IFT122: variants seen among roughly 807,000 people sequenced by gnomAD.
IFT122 encodes intraflagellar transport 122, also known as intraflagellar transport protein 122 homolog.
A neutral mutation model predicts 161.6 loss-of-function variants in IFT122; 118 were observed. The ratio of observed to expected loss-of-function variants is 0.73; its 90% confidence interval spans 0.63 to 0.85. IFT122 has a LOEUF of 0.85. Ranked by LOEUF, IFT122 falls within the 40% of genes least tolerant of loss-of-function variation. The probability of loss-of-function intolerance (pLI) is 0.00; values close to 1 mark genes in which losing one functional copy is unlikely to be tolerated. For missense variants in IFT122, 1,381 were observed against 1,579.6 expected (o/e 0.87, Z 2.13); for synonymous variants, 550 against 602.4 (o/e 0.91, Z 1.27).
chr3:129,506,282 T>C, intron 21 of IFT122, 127 bp from the exon 22 acceptor site: 3 of 1,059,440 alleles, frequency 2.8e-6, no homozygotes, highest in South Asian at 2.5e-5. Flanking sequence ...AACGAAGCAC[T>C]GCAGATGCTC....
chr3:129,517,654 C>A (rs545912407), intron 27 of IFT122, 60 bp downstream of exon 27: 4 of 1,594,678 alleles, frequency 2.5e-6, no homozygotes, highest in Non-Finnish European at 3.4e-6. Context: ...TGGGGACAGG[C>A]GGGAAGTAGG....
chr3:129,491,182 G>C (rs1423276986), intron 16 of IFT122, among the ~76,000 whole-genome samples: 1 of 152,194 alleles, frequency 6.6e-6, no homozygotes, highest in Non-Finnish European at 1.5e-5. Flanking sequence ...AAGGCAGGCC[G>C]GGGACTTGCT....
chr3:129,483,881 T>C (rs2108354588), intron 15 of IFT122, 199 bp downstream of exon 15: 1 of 645,298 alleles, frequency 1.5e-6, no homozygotes, highest in Non-Finnish European at 2.8e-6. Context: ...GGCAAACAGC[T>C]CAACCTCCCT....
chr3:129,491,733 C>G (rs1488885691), intron 16 of IFT122, among the ~76,000 whole-genome samples: 4 of 152,088 alleles, frequency 2.6e-5, no homozygotes, highest in South Asian at 2.1e-4. Flanking sequence ...CCCATGTTGC[C>G]AAGATGTATA....
chr3:129,461,528 G>A, intron 5 of IFT122: 2 of 564,904 alleles, frequency 3.5e-6, no homozygotes, highest in South Asian at 2.0e-5. Flanking sequence ...TACAGGAAGG[G>A]CCCCAGCAAA....
chr3:129,481,329 A>C, intron 13 of IFT122: 2 of 571,862 alleles, frequency 3.5e-6, no homozygotes, highest in Non-Finnish European at 3.3e-6. Flanking sequence ...CCTCTGATGA[A>C]CCTCGCTTCT....
intron 4 of IFT122, chr3:129,460,780 C>CT: frequency 5.2e-6 from 6 of 1,163,054 alleles, no homozygotes; most frequent in Non-Finnish European, 6.5e-6. Context: ...AGGACTAAAA[C>CT]GGGTTGAGAC....
At position 129,520,300 on chromosome 3, in the gene IFT122, G is replaced by A. The variant is rs767401383; in HGVS notation, c.*35G>A. ...TGGGGACGGCCTGCACCCTCTGCCC[G>A]CCTTGGGGTCTGCTGGGCTGTGAAG... On this transcript the variant is annotated 3_prime_UTR_variant, in exon 30 of 30. Transcript: ENST00000348417. 12 of 1,495,846 alleles carry A rather than the reference G, an allele frequency of 8.0e-6. No homozygotes were observed. The highest frequency in any genetic ancestry group is 1.1e-5 in the Non-Finnish European group (12 of 1,085,556). 92.7% of individuals were successfully genotyped at this position (1,495,846 alleles called of 1,614,324 possible).
Position 129,515,435 on chromosome 3 carries a change from G to T in IFT122, c.3154-53G>T, listed in dbSNP as rs537705450. On this transcript the variant is annotated intron_variant, in intron 25 of 29. Coordinates refer to ENST00000348417, the MANE Select transcript of IFT122 (RefSeq NM_052989.3). ...GGGGCCTGAAGCCAGAGTCCAGGGG[G>T]AGGAGGACACGTGCCTGCCCCGGCC... is the stretch of plus-strand genomic sequence containing the variant. 7.4e-5 allele frequency: 87 copies of T among 1,170,644 alleles called. No individual in the cohort carries two copies. In the East Asian group the frequency reaches 2.1e-3, roughly 28 times the overall value. The allele number at this position is 1,170,644 out of a possible 1,614,324, so 72.5% of individuals were successfully genotyped here. A position where few individuals can be genotyped will look rare whatever the true frequency, so the allele number is the denominator to read the frequency against.
Position 129,507,652 on chromosome 3 carries a change from C to A in IFT122, c.2792-16C>A. 1 of 1,610,380 alleles carries A rather than the reference C, an allele frequency of 6.2e-7. No individual in the cohort carries two copies. Among genetic ancestry groups the A allele is most frequent in the Non-Finnish European group, 8.5e-7 (1 of 1,176,628 alleles). ...CTGTTTGACACGTTTCCCCTCCCACCCGCTGCACACAGCAGATCCTGCCCA... is the reference window on the plus strand; with the variant it reads ...CTGTTTGACACGTTTCCCCTCCCACACGCTGCACACAGCAGATCCTGCCCA... On this transcript the variant is annotated splice_polypyrimidine_tract_variant and intron_variant, in intron 22 of 29. Coordinates refer to ENST00000348417, the MANE Select transcript of IFT122 (RefSeq NM_052989.3).
Position 129,483,521 on chromosome 3 carries a change from T to C in IFT122, c.1690T>C (p.Cys564Arg). The change falls in exon 15 of 30, where the codon TGT (cysteine) becomes CGT (arginine). Residue 564 changes from cysteine to arginine, a missense_variant. By Grantham distance (180) the Cys-to-Arg change is radical (BLOSUM62 -3). Transcript: ENST00000348417. ...CAACAGTGTAGCTTGGAACACCCAG[T>C]GTGAGGACATGCTCTGCTTCTCGGG... is the stretch of plus-strand genomic sequence containing the variant. ...NANSVAWNTQ[C>R]EDMLCFSGGG... The C allele has an allele frequency of 6.2e-7, 1 of 1,614,064 alleles. No individual in the cohort carries two copies. Among genetic ancestry groups the C allele is most frequent in the Non-Finnish European group, 8.5e-7 (1 of 1,179,994 alleles).
chr3:129,463,251 TCA>T, intron 5 of IFT122: 1 of 363,906 alleles, frequency 2.7e-6, no homozygotes, highest in Non-Finnish European at 5.2e-6. Flanking sequence ...TAGATTGCCA[TCA>T]GCGTGACACA....
rs758841413 is a variant in IFT122 at position 129,481,659 on chromosome 3, G to C, written c.1618G>C (p.Val540Leu). The C allele has an allele frequency of 1.9e-6, 3 of 1,614,132 alleles. No homozygotes were observed. Residue 540 changes from valine to leucine, a missense_variant, in exon 14 of 30, where the codon GTG (valine) becomes CTG (leucine). By Grantham distance (32) the Val-to-Leu change is conservative (BLOSUM62 1). Around this residue, in one of 7 missense-constraint regions of IFT122, gnomAD observed 544 missense variants for 648.0 expected, o/e 0.84. Transcript: ENST00000348417. ...GGTAGATGAAAATGACACTTGCCTGGTGTATGACATCGACACCAAGGAGCT... is the reference window on the plus strand; with the variant it reads ...GGTAGATGAAAATGACACTTGCCTGCTGTATGACATCGACACCAAGGAGCT... ...AVVDENDTCL[V>L]YDIDTKELLF...
chr3:129,516,802 CAG>C (rs1491495037), intron 26 of IFT122, among the ~76,000 whole-genome samples: 17 of 140,560 alleles, frequency 1.2e-4, no homozygotes, highest in African/African-American at 4.3e-4. Flanking sequence ...TGCACACACA[CAG>C]AGACTGCCCC....
chr3:129,446,264 G>A (rs990595967), intron 1 of IFT122, among the ~76,000 whole-genome samples: 1 of 149,730 alleles, frequency 6.7e-6, no homozygotes, highest in Non-Finnish European at 1.5e-5. Flanking sequence ...TCACTCTGTC[G>A]CCCAGGCTGG....
At chr3:129,448,506 T>TA (rs751608029) in intron 1 of IFT122, among the ~76,000 whole-genome samples, 4 of 152,184 alleles carry the variant, frequency 2.6e-5, no homozygotes, top group Admixed American at 2.0e-4. Flanking sequence ...AATCTTTTAT[T>TA]ATGCAGTTGG....
In IFT122 at chr3:129,488,227, T is replaced by G. The variant is rs375838596; in HGVS notation, c.1852-30T>G. The G allele has an allele frequency of 9.3e-6, 15 of 1,612,448 alleles. No individual in the cohort carries two copies. In the Admixed American group the frequency reaches 1.3e-4, roughly 14 times the overall value. ...TCTTTCCATGGCTCTGAAAACAGTC[T>G]TCTTTTTTTCCCTTGATGAAATCCT... On this transcript the variant is annotated intron_variant, in intron 15 of 29. Coordinates refer to ENST00000348417, the MANE Select transcript of IFT122 (RefSeq NM_052989.3).
rs188822902 is a variant in IFT122 at position 129,453,798 on chromosome 3, T to G, written c.193+1800T>G. ...GGAAGTGGTGCATGAAACTGAGATTTAAATTTATTTTAAAATAAATCCATG... is the reference window on the plus strand; with the variant it reads ...GGAAGTGGTGCATGAAACTGAGATTGAAATTTATTTTAAAATAAATCCATG... On this transcript the variant is annotated intron_variant, in intron 3 of 29. Transcript: ENST00000348417. Among the ~76,000 whole-genome samples, 1,078 of 152,262 alleles carry G rather than the reference T, an allele frequency of 7.1e-3. 12 individuals carry two copies. The highest frequency in any genetic ancestry group is 0.011 in the Non-Finnish European group (718 of 68,028).
intron 5 of IFT122, among the ~76,000 whole-genome samples, chr3:129,462,118 G>A (rs1020685601): frequency 2.0e-5 from 3 of 152,174 alleles, no homozygotes; most frequent in African/African-American, 2.4e-5. Flanking sequence ...TCAAAAGAGA[G>A]AATGGAATTG....
Sources: allele counts gnomAD v4.1 joint callset (sites outside exome capture counted in the v4.1 genomes callset), GRCh38; gene constraint gnomAD v4.1.1; regional missense constraint gnomAD v4.1.1; transcripts MANE v1.5; gene names NCBI Gene and HGNC (gene_info 2026-07-23, HGNC 2026-07-21).